The following CPS1 variants were observed in gnomAD, a reference collection of about 807,000 sequenced individuals.
The protein encoded by CPS1 is carbamoyl-phosphate synthase 1.
A neutral mutation model predicts 174.6 loss-of-function variants in CPS1; 109 were observed. That is an observed-to-expected ratio of 0.62 (90% CI 0.53 to 0.73). The LOEUF (loss-of-function observed/expected upper bound fraction) is 0.73. CPS1 is among the 30% of genes least tolerant of loss of function. CPS1 has a pLI of 0.00. For synonymous variants in CPS1, 637 were observed against 632.0 expected (o/e 1.01, Z -0.12); for missense variants, 1,689 against 1,821.9 (o/e 0.93, Z 1.33).
Position 210,658,653 on chromosome 2 carries a change from A to G in CPS1, c.3721A>G (p.Asn1241Asp). ...GGCTTTTGCCATCTCTGGTCCATTC[A>G]ACGTCCAATTTCTTGTCAAAGGAAA... ...AKAFAISGPF[N>D]VQFLVKGNDV... is the part of the protein sequence containing the mutation. The change falls in exon 31 of 38, where the codon AAC (asparagine) becomes GAC (aspartate). Residue 1241 changes from asparagine to aspartate, a missense_variant. Asn to Asp is a conservative substitution (Grantham distance 23). Transcript: ENST00000233072. The G allele has an allele frequency of 6.2e-7, 1 of 1,614,100 alleles. No homozygotes were observed. Among genetic ancestry groups the G allele is most frequent in the South Asian group, 1.1e-5 (1 of 91,086 alleles).
At chr2:210,490,182 C>A (rs6729280) in intron 1 of CPS1, among the ~76,000 whole-genome samples, 31,144 of 152,094 alleles carry the variant, frequency 0.2, 3,728 homozygotes, top group Middle Eastern at 0.34. Flanking sequence ...TCAGGAATAC[C>A]ATTTAGAAAA....
intron 1 of CPS1, among the ~76,000 whole-genome samples, chr2:210,497,897 T>C (rs905756242): frequency 1.5e-5 from 2 of 131,248 alleles, no homozygotes; most frequent in African/African-American, 3.0e-5. Context: ...TACATACATA[T>C]ATATATATAT....
intron 9 of CPS1, 36 bp downstream of exon 9, chr2:210,590,942 C>T: frequency 6.7e-7 from 1 of 1,498,500 alleles, no homozygotes; most frequent in South Asian, 1.1e-5. Context: ...AGTAAACCAG[C>T]TCTGACATAC....
rs747085519 is a variant in CPS1, at chr2:210,577,475, A to G, written c.436A>G (p.Thr146Ala). The G allele has an allele frequency of 1.1e-5, 17 of 1,613,902 alleles. No individual in the cohort carries two copies. Among genetic ancestry groups the G allele is most frequent in the Non-Finnish European group, 1.4e-5 (16 of 1,179,880 alleles). ...YSKDYNHWLA[T>A]KSLGQWLQEE... is the part of the protein sequence containing the mutation. ...TAAAGACTACAACCACTGGCTGGCT[A>G]CCAAGAGTTTAGGGCAATGGCTACA... The change falls in exon 4 of 38, where the codon ACC (threonine) becomes GCC (alanine). Residue 146 changes from threonine to alanine, a missense_variant. Physicochemically the swap from Thr to Ala is moderately conservative, Grantham distance 58. Transcript: ENST00000233072.
intron 1 of CPS1, among the ~76,000 whole-genome samples, chr2:210,540,884 G>A (rs760484015): frequency 6.6e-6 from 1 of 151,976 alleles, no homozygotes; most frequent in Non-Finnish European, 1.5e-5. Context: ...AAGAATCTAG[G>A]ATAAAATGGA....
At chr2:210,491,297 T>C (rs1386347568) in intron 1 of CPS1, among the ~76,000 whole-genome samples, 1 of 149,632 alleles carries the variant, frequency 6.7e-6, no homozygotes, top group Non-Finnish European at 1.5e-5. Flanking sequence ...AGCATGTATT[T>C]GGTATCTGTG....
intron 1 of CPS1, among the ~76,000 whole-genome samples, chr2:210,537,953 C>G (rs917958016): frequency 6.6e-6 from 1 of 152,180 alleles, no homozygotes; most frequent in Non-Finnish European, 1.5e-5. Flanking sequence ...CTCTGCTATA[C>G]AGATCAGGTA....
intron 22 of CPS1, 85 bp from the exon 23 acceptor site, chr2:210,639,065 T>C: frequency 3.1e-6 from 3 of 973,212 alleles, no homozygotes; most frequent in South Asian, 1.4e-5. Flanking sequence ...ATTAAAGGAA[T>C]ATGTATATAA....
Position 210,660,567 on chromosome 2 carries a change from C to A in CPS1, c.3839C>A (p.Thr1280Asn), listed in dbSNP as rs759459980. Reference protein sequence around the residue: ...TLGVDFIDVATKVMIGENVDE... With the variant: ...TLGVDFIDVANKVMIGENVDE... ...GGGGTTGACTTCATTGATGTGGCCA[C>A]CAAGGTGATGATTGGAGAGAATGTT... The change falls in exon 32 of 38, where the codon ACC becomes AAC. Residue 1280 changes from threonine (T) to asparagine (N), a missense_variant. Transcript: ENST00000233072. 1.9e-6 allele frequency: 3 copies of A among 1,614,088 alleles called. No individual in the cohort carries two copies. Among genetic ancestry groups the A allele is most frequent in the Non-Finnish European group, 2.5e-6 (3 of 1,179,976 alleles).
intron 16 of CPS1, among the ~76,000 whole-genome samples, chr2:210,602,579 T>G (rs1698765851): frequency 6.6e-6 from 1 of 151,926 alleles, no homozygotes; most frequent in Non-Finnish European, 1.5e-5. Context: ...AAATTCCACT[T>G]TTATAGTACA....
intron 6 of CPS1, among the ~76,000 whole-genome samples, chr2:210,584,546 T>C (rs1698042278): frequency 6.6e-6 from 1 of 152,154 alleles, no homozygotes; most frequent in African/African-American, 2.4e-5. Flanking sequence ...TTCATAATTA[T>C]CGTGGTCCAT....
chr2:210,589,298 C>G (rs1698209843), intron 7 of CPS1, among the ~76,000 whole-genome samples: 1 of 152,020 alleles, frequency 6.6e-6, no homozygotes, highest in South Asian at 2.1e-4. Flanking sequence ...TCTCTTAAAT[C>G]CTTGTTTCAG....
At position 210,637,827 on chromosome 2, in the gene CPS1, A is replaced by T. The variant is rs1700085466; in HGVS notation, c.2813A>T (p.His938Leu). Residue 938 changes from histidine to leucine, a missense_variant, in exon 22 of 38, where the codon CAC (histidine) becomes CTC (leucine). Coordinates refer to ENST00000233072, the MANE Select transcript of CPS1 (RefSeq NM_001875.5). ...TRELRLKKNI[H>L]PWVKQIDTLA... Reference sequence around the variant, plus strand: ...GAGCTGAGGTTAAAGAAAAACATCCACCCTTGGGTTAAACAGGTAAAGGAG... The same window carrying T: ...GAGCTGAGGTTAAAGAAAAACATCCTCCCTTGGGTTAAACAGGTAAAGGAG... The T allele has an allele frequency of 6.2e-7, 1 of 1,613,744 alleles. No homozygotes were observed. Among genetic ancestry groups the T allele is most frequent in the East Asian group, 2.2e-5 (1 of 44,856 alleles).
intron 29 of CPS1, among the ~76,000 whole-genome samples, chr2:210,655,619 T>C (rs983831586): frequency 2.0e-5 from 3 of 152,168 alleles, no homozygotes; most frequent in Admixed American, 6.5e-5. Flanking sequence ...CTCTTACTTA[T>C]ATGTGGTCTG....
chr2:210,651,989 G>A (rs554214113), intron 28 of CPS1, among the ~76,000 whole-genome samples: 13 of 152,258 alleles, frequency 8.5e-5, no homozygotes, highest in African/African-American at 2.6e-4. Context: ...AATGAACATC[G>A]CAATAGAGAA....
intron 1 of CPS1, among the ~76,000 whole-genome samples, chr2:210,523,144 A>G (rs545918792): frequency 6.6e-6 from 1 of 152,144 alleles, no homozygotes; most frequent in East Asian, 1.9e-4. Context: ...TGTCATCTGT[A>G]AAATAAGCAT....
intron 21 of CPS1, chr2:210,619,268 C>T (rs1699424741): frequency 6.6e-6 from 1 of 152,106 alleles, no homozygotes; most frequent in Non-Finnish European, 1.5e-5. Flanking sequence ...CAGTCCTCCC[C>T]ACTGTAGAAT....
rs1559098170 is a variant in CPS1, at chr2:210,599,581, A to G, written c.1549+20A>G. On this transcript the variant is annotated intron_variant, in intron 14 of 37. Coordinates refer to ENST00000233072, the MANE Select transcript of CPS1 (RefSeq NM_001875.5). The stretch of plus-strand genomic sequence containing the variant: ...ACTGTGGTGAGTTCTTATAAGCTTA[A>G]TTGCAGAGTTTTGACATATGCACTG... 1 of 1,610,858 alleles carries G rather than the reference A, an allele frequency of 6.2e-7. No individual in the cohort carries two copies. Among genetic ancestry groups the G allele is most frequent in the Non-Finnish European group, 8.5e-7 (1 of 1,177,644 alleles).
chr2:210,480,461 C>A (rs1435714502), intron 1 of CPS1, among the ~76,000 whole-genome samples: 1 of 152,194 alleles, frequency 6.6e-6, no homozygotes, highest in Non-Finnish European at 1.5e-5. Context: ...CCCCTGTCTG[C>A]CAGCAAAGGC....
Sources: allele counts gnomAD v4.1 joint callset (sites outside exome capture counted in the v4.1 genomes callset), GRCh38; gene constraint gnomAD v4.1.1; transcripts MANE v1.5; gene names NCBI Gene and HGNC (gene_info 2026-07-23, HGNC 2026-07-21).